FRYL: variants seen among roughly 807,000 people sequenced by gnomAD.
FRYL encodes FRY like transcription coactivator, also known as protein furry homolog-like.
A neutral mutation model predicts 351.2 loss-of-function variants in FRYL; 150 were observed. The observed-to-expected ratio is 0.43, with a 90% confidence interval of 0.37 to 0.49. FRYL has a LOEUF of 0.49. FRYL is among the 20% of genes least tolerant of loss of function. The probability of loss-of-function intolerance (pLI) is 0.00; values close to 1 mark genes in which losing one functional copy is unlikely to be tolerated. For synonymous variants in FRYL, 1,153 were observed against 1,257.1 expected (o/e 0.92, Z 1.75); for missense variants, 3,036 against 3,619.3 (o/e 0.84, Z 4.13).
At chr4:48,566,210 C>T (rs1303248807) in intron 28 of FRYL, among the ~76,000 whole-genome samples, 1 of 152,156 alleles carries the variant, frequency 6.6e-6, no homozygotes, top group African/African-American at 2.4e-5. Context: ...CAGTTCAGGC[C>T]TAGTGTCCAA....
intron 1 of FRYL, among the ~76,000 whole-genome samples, chr4:48,778,017 G>A (rs1346279521): frequency 2.0e-5 from 3 of 152,072 alleles, no homozygotes; most frequent in Non-Finnish European, 4.4e-5. Flanking sequence ...ATTAAAAAGT[G>A]AGACCACCAT....
At chr4:48,660,565 T>C (rs1195881788) in intron 3 of FRYL, among the ~76,000 whole-genome samples, 20 of 152,228 alleles carry the variant, frequency 1.3e-4, no homozygotes, top group Admixed American at 5.2e-4. Flanking sequence ...GCACTGTCTC[T>C]AATGAGCTTC....
At chr4:48,507,854 G>T (rs776167497) in intron 59 of FRYL, among the ~76,000 whole-genome samples, 12 of 152,234 alleles carry the variant, frequency 7.9e-5, no homozygotes, top group Non-Finnish European at 1.6e-4. Context: ...TTATCTGCAG[G>T]GGGAGAGGCT....
At chr4:48,651,259 T>C (rs992321694) in intron 3 of FRYL, among the ~76,000 whole-genome samples, 1 of 94,230 alleles carries the variant, frequency 1.1e-5, no homozygotes, top group Admixed American at 1.2e-4. Context: ...TGTGTGTGTG[T>C]AGTGGTAGAA....
At chr4:48,713,249 T>C (rs531952436) in intron 1 of FRYL, among the ~76,000 whole-genome samples, 141 of 152,164 alleles carry the variant, frequency 9.3e-4, no homozygotes, top group African/African-American at 3.4e-3. Context: ...TATTTGTTAA[T>C]AAAGTTAATT....
In FRYL at chr4:48,635,257, C is replaced by T. The variant is rs75978515; in HGVS notation, c.-80-767G>A. 1.5e-3 allele frequency among the ~76,000 whole-genome samples: 229 copies of T among 152,202 alleles called. 4 individuals carry two copies. The East Asian group carries it at 0.04, about 27-fold the overall frequency. On this transcript the variant is annotated intron_variant, in intron 3 of 63. Coordinates refer to ENST00000358350, the MANE Select transcript of FRYL (RefSeq NM_015030.2). ...TAATATGGAGAGGGATAGAATCTGG[C>T]TTTCTCTTTATAAAAATCTCTCTGG...
chr4:48,741,365 C>G (rs1368057170), intron 1 of FRYL, among the ~76,000 whole-genome samples: 2 of 151,916 alleles, frequency 1.3e-5, no homozygotes, highest in African/African-American at 2.4e-5. Context: ...ACAGTGAAAC[C>G]CCATCTCTAC....
chr4:48,557,145 T>G (rs749946695), intron 34 of FRYL, 27 bp from the exon 35 acceptor site: 1 of 1,561,734 alleles, frequency 6.4e-7, no homozygotes, highest in South Asian at 1.2e-5. Flanking sequence ...CAAAAGATAC[T>G]TCAGTCATGA....
rs1276615280 is a variant in FRYL at position 48,548,675 on chromosome 4, C to T, written c.4888+15G>A. 26 of 1,341,556 alleles carry T rather than the reference C, an allele frequency of 1.9e-5. No homozygotes were observed. The highest frequency in any genetic ancestry group is 2.8e-5 in the Non-Finnish European group (26 of 936,900). The allele number at this position is 1,341,556 out of a possible 1,614,324, so 83.1% of individuals were successfully genotyped here. ...AAAATATAACATGAAAGAATTAGAA[C>T]CAAATATTTATTACCTATAAAAATT... On this transcript the variant is annotated intron_variant, in intron 40 of 63. Coordinates refer to ENST00000358350, the MANE Select transcript of FRYL (RefSeq NM_015030.2).
At position 48,540,171 on chromosome 4, in the gene FRYL, A is replaced by G; in HGVS notation, c.6296-103T>C. 2.6e-6 allele frequency: 3 copies of G among 1,150,490 alleles called. No homozygotes were observed. In the South Asian group the frequency reaches 4.7e-5, roughly 18 times the overall value. 71.3% of individuals were successfully genotyped at this position (1,150,490 alleles called of 1,614,324 possible). A position where few individuals can be genotyped will look rare whatever the true frequency, so the allele number is the denominator to read the frequency against. On this transcript the variant is annotated intron_variant, in intron 46 of 63. Transcript: ENST00000358350. ...GGTTCACAGAAACCATTTTCTTTTC[A>G]TTTCCTGGGATATTCGATCTTCTAA...
At position 48,527,500 on chromosome 4, in the gene FRYL, C is replaced by T; in HGVS notation, c.7294G>A (p.Asp2432Asn). 1 of 1,612,692 alleles carries T rather than the reference C, an allele frequency of 6.2e-7. No individual in the cohort carries two copies. Among genetic ancestry groups the T allele is most frequent in the Non-Finnish European group, 8.5e-7 (1 of 1,179,178 alleles). The change falls in exon 53 of 64, where the codon GAT (aspartate) becomes AAT (asparagine). Residue 2432 changes from aspartate to asparagine, a missense_variant. Asp to Asn is a conservative substitution (Grantham distance 23). Coordinates refer to ENST00000358350, the MANE Select transcript of FRYL (RefSeq NM_015030.2). Reference protein sequence around the residue: ...FGVFKDFDFLDVELEDAEGES... With the variant: ...FGVFKDFDFLNVELEDAEGES... ...ACCTCTGCATCTTCCAATTCAACAT[C>T]TAAAAAGTCAAAATCCTTAAAAACA...
chr4:48,709,025 C>T (rs1767720455), intron 2 of FRYL, among the ~76,000 whole-genome samples: 1 of 151,598 alleles, frequency 6.6e-6, no homozygotes, highest in South Asian at 2.1e-4. Flanking sequence ...GGGTTCACGC[C>T]ATTCTCCTGC....
intron 26 of FRYL, 89 bp from the exon 27 acceptor site, chr4:48,571,007 C>A (rs1445702916): frequency 1.9e-6 from 2 of 1,043,906 alleles, no homozygotes; most frequent in Non-Finnish European, 2.9e-6. Context: ...AGGTTCTGGG[C>A]TCATTGAAGT....
At chr4:48,594,404 G>A (rs1255515272) in intron 15 of FRYL, among the ~76,000 whole-genome samples, 2 of 152,058 alleles carry the variant, frequency 1.3e-5, no homozygotes, top group Admixed American at 6.6e-5. Context: ...TCTCCCGGGG[G>A]GTGGGGGGAA....
intron 29 of FRYL, among the ~76,000 whole-genome samples, 160 bp downstream of exon 29, chr4:48,565,371 T>C (rs185206059): frequency 6.6e-6 from 1 of 152,332 alleles, no homozygotes; most frequent in African/African-American, 2.4e-5. Context: ...TTTTTCATTG[T>C]ATTTTATGTA....
chr4:48,684,347 T>C (rs1764950982), intron 3 of FRYL, among the ~76,000 whole-genome samples: 1 of 152,244 alleles, frequency 6.6e-6, no homozygotes, highest in South Asian at 2.1e-4. Context: ...ATGCTTCATC[T>C]GCTTCCTAAG....
intron 1 of FRYL, among the ~76,000 whole-genome samples, chr4:48,757,054 C>T (rs1412477557): frequency 6.6e-6 from 1 of 152,106 alleles, no homozygotes; most frequent in Non-Finnish European, 1.5e-5. Flanking sequence ...AAGCTGAGGA[C>T]TCCCCAAGAC....
intron 1 of FRYL, among the ~76,000 whole-genome samples, chr4:48,745,879 G>A (rs1036039097): frequency 3.9e-5 from 6 of 152,160 alleles, no homozygotes; most frequent in African/African-American, 1.4e-4. Flanking sequence ...AATTGAAAAG[G>A]AAGGAAAACA....
chr4:48,551,888 C>T (rs186638976), intron 36 of FRYL, among the ~76,000 whole-genome samples: 1 of 152,278 alleles, frequency 6.6e-6, no homozygotes, highest in Admixed American at 6.5e-5. Context: ...TCGAGAACCT[C>T]TGGAAACAGG....
Sources: gnomAD v4.1 joint callset for allele counts (sites outside exome capture counted in the v4.1 genomes callset) on GRCh38, gnomAD v4.1.1 for gene constraint, MANE v1.5 for transcripts, NCBI Gene and HGNC (gene_info 2026-07-23, HGNC 2026-07-21) for gene names.